KRT74: variants seen among roughly 807,000 people sequenced by gnomAD.
The protein encoded by KRT74 is keratin, type II cytoskeletal 74.
Under a neutral mutation model 42.7 loss-of-function variants are expected in KRT74, and 43 were observed. That is an observed-to-expected ratio of 1.01 (90% CI 0.79 to 1.30). The LOEUF is 1.30. KRT74 is among the 50% of genes most tolerant of loss of function. The pLI is 0.00. For missense variants in KRT74, 736 were observed against 689.1 expected (o/e 1.07, Z -0.76); for synonymous variants, 302 against 279.0 (o/e 1.08, Z -0.82).
At position 52,567,152 on chromosome 12, in the gene KRT74, G is replaced by T; in HGVS notation, c.1407C>A (p.Ser469Arg). The T allele has an allele frequency of 6.2e-7, 1 of 1,602,216 alleles. No homozygotes were observed. The highest frequency in any genetic ancestry group is 8.5e-7 in the Non-Finnish European group (1 of 1,171,506). Residue 469 changes from serine (S) to arginine (R), a missense_variant, in exon 9 of 9, where the codon AGC becomes AGA. Coordinates refer to ENST00000305620, the MANE Select transcript of KRT74 (RefSeq NM_175053.4). Reference sequence around the variant, plus strand: ...AGCTGGGGTGGTGGTAGCTGTAGCTGCTACTGCTGATGACAGCTGAGGAGG... The same window carrying T: ...AGCTGGGGTGGTGGTAGCTGTAGCTTCTACTGCTGATGACAGCTGAGGAGG... ...SSVSISVISS[S>R]SYSYHHPSSA...
chr12:52,567,808 C>A, intron 7 of KRT74, 115 bp from the exon 8 acceptor site: 1 of 801,810 alleles, frequency 1.2e-6, no homozygotes, highest in Admixed American at 1.9e-5. Context: ...TAACAACTTA[C>A]GAAACTGACA....
chr12:52,568,386 C>T lies in KRT74; in HGVS notation c.1138G>A (p.Ala380Thr), dbSNP rs907919529. The change falls in exon 7 of 9, where the codon GCC becomes ACC. Residue 380 changes from alanine to threonine, a missense_variant. Ala to Thr is a moderately conservative substitution (Grantham distance 58). Coordinates refer to ENST00000305620, the MANE Select transcript of KRT74 (RefSeq NM_175053.4). Reference sequence around the variant, plus strand: ...TCAGCGATGGCCGTCTCCAGGCTGGCACGCTGAAGGGCAAAGAACAGAGAG... The same window carrying T: ...TCAGCGATGGCCGTCTCCAGGCTGGTACGCTGAAGGGCAAAGAACAGAGAG... Reference protein sequence around the residue: ...CEIGNVKKQRASLETAIADAE... With the variant: ...CEIGNVKKQRTSLETAIADAE... 3 of 1,614,030 alleles carry T rather than the reference C, an allele frequency of 1.9e-6. No homozygotes were observed. Among genetic ancestry groups the T allele is most frequent in the African/African-American group, 1.3e-5 (1 of 74,926 alleles).
At chr12:52,571,324 G>A (rs768537016) in intron 4 of KRT74, 35 bp downstream of exon 4, 1 of 1,267,608 alleles carries the variant, frequency 7.9e-7, no homozygotes, top group Non-Finnish European at 1.2e-6. Context: ...CGGGAAGGAG[G>A]CAGGGTGAGG....
At chr12:52,567,734 C>A (rs200714055) in intron 7 of KRT74, 41 bp from the exon 8 acceptor site, 2 of 1,479,252 alleles carry the variant, frequency 1.4e-6, no homozygotes, top group South Asian at 1.1e-5. Flanking sequence ...AACTCAGTGT[C>A]GAGATTCCAC....
At chr12:52,570,951 T>A in intron 4 of KRT74, 118 bp from the exon 5 acceptor site, 2 of 1,189,576 alleles carry the variant, frequency 1.7e-6, no homozygotes, top group Non-Finnish European at 2.4e-6. Flanking sequence ...GGGGACAAAG[T>A]AGGGGGAAGA....
chr12:52,573,593 T>C lies in KRT74; in HGVS notation c.185A>G (p.Asn62Ser), dbSNP rs1426311417. 2.5e-6 allele frequency: 4 copies of C among 1,614,030 alleles called. No individual in the cohort carries two copies. The South Asian group carries it at 3.3e-5, about 13-fold the overall frequency. Residue 62 changes from asparagine to serine, a missense_variant, in exon 1 of 9, where the codon AAT becomes AGT. Asn to Ser is a conservative substitution (Grantham distance 46). Transcript: ENST00000305620. The part of the protein sequence containing the change: ...SLGGNRRISF[N>S]VAGGGVRAGG... ...AGCCCGAACGCCGCCACCAGCCACA[T>C]TGAAAGAAATACGCCGATTCCCTCC...
intron 6 of KRT74, chr12:52,569,478 C>T (rs1234158568): frequency 1.6e-6 from 1 of 616,078 alleles, no homozygotes; most frequent in East Asian, 2.8e-5. Flanking sequence ...GGTCTGCCCT[C>T]AGAGGGGGCA....
At chr12:52,573,182 G>T in intron 1 of KRT74, 125 bp downstream of exon 1, 1 of 911,706 alleles carries the variant, frequency 1.1e-6, no homozygotes, top group Non-Finnish European at 1.8e-6. Flanking sequence ...CTTCCCTAAT[G>T]GTGAGGAAGC....
chr12:52,570,699 C>T lies in KRT74; in HGVS notation c.978G>A (p.Lys326=). 1 of 1,614,258 alleles carries T rather than the reference C, an allele frequency of 6.2e-7. No individual in the cohort carries two copies. Among genetic ancestry groups the T allele is most frequent in the African/African-American group, 1.3e-5 (1 of 75,074 alleles). The part of the protein sequence containing the change: ...MHYEEIALKS[K]AEAEALYQTK... ...TCTGGTACAGGGCCTCGGCCTCGGC[C>T]TTGCTCTTCAGGGCGATCTCCTCAT... is the stretch of plus-strand genomic sequence containing the variant. The change falls in exon 5 of 9, where the codon AAG becomes AAA. Residue 326 remains lysine, a synonymous_variant. Coordinates refer to ENST00000305620, the MANE Select transcript of KRT74 (RefSeq NM_175053.4).
rs73320303 is a variant in KRT74, at chr12:52,569,714, C to T, written c.1134+145G>A. 1.9e-3 allele frequency: 1,962 copies of T among 1,019,106 alleles called. 16 individuals are homozygous for T. The African/African-American group carries it at 0.027, about 14-fold the overall frequency. The allele number at this position is 1,019,106 out of a possible 1,614,324, so 63.1% of individuals were successfully genotyped here. ...CAGCTCTGATGGTAGGGTACCGAGG[C>T]AGGGTGGGAAAGGGAGACTGTGGGT... On this transcript the variant is annotated intron_variant, in intron 6 of 8. Transcript: ENST00000305620.
Position 52,567,153 on chromosome 12 carries a change from C to T in KRT74, c.1406G>A (p.Ser469Asn). 1 of 1,601,832 alleles carries T rather than the reference C, an allele frequency of 6.2e-7. No homozygotes were observed. The highest frequency in any genetic ancestry group is 1.1e-5 in the South Asian group (1 of 90,244). Reference protein sequence around the residue: ...SSVSISVISSSSYSYHHPSSA... With the variant: ...SSVSISVISSNSYSYHHPSSA... Reference sequence around the variant, plus strand: ...GCTGGGGTGGTGGTAGCTGTAGCTGCTACTGCTGATGACAGCTGAGGAGGA... The same window carrying T: ...GCTGGGGTGGTGGTAGCTGTAGCTGTTACTGCTGATGACAGCTGAGGAGGA... The change falls in exon 9 of 9, where the codon AGC (serine) becomes AAC (asparagine). Residue 469 changes from serine to asparagine, a missense_variant. Coordinates refer to ENST00000305620, the MANE Select transcript of KRT74 (RefSeq NM_175053.4).
intron 8 of KRT74, 31 bp from the exon 9 acceptor site, chr12:52,567,199 G>A (rs1225395139): frequency 4.6e-6 from 7 of 1,524,552 alleles, no homozygotes; most frequent in Non-Finnish European, 5.3e-6. Flanking sequence ...GCAGGGGAGA[G>A]GAGCAGTGTC....
chr12:52,573,754 C>A lies in KRT74; in HGVS notation c.24G>T (p.Lys8Asn). Reference protein sequence around the residue: MSRQLNIKSSGDKGNFSV... With the variant: MSRQLNINSSGDKGNFSV... ...TGAAGTTGCCCTTGTCACCACTGGA[C>A]TTGATGTTCAGTTGCCGACTCATGG... The change falls in exon 1 of 9, where the codon AAG becomes AAT. Residue 8 changes from lysine to asparagine, a missense_variant. Lys to Asn is a moderately conservative substitution (Grantham distance 94, BLOSUM62 0). Coordinates refer to ENST00000305620, the MANE Select transcript of KRT74 (RefSeq NM_175053.4). The A allele has an allele frequency of 1.2e-6, 2 of 1,613,896 alleles. No individual in the cohort carries two copies. The highest frequency in any genetic ancestry group is 1.7e-6 in the Non-Finnish European group (2 of 1,180,010).
chr12:52,573,698 G>A lies in KRT74; in HGVS notation c.80C>T (p.Ala27Val). ...ACAGTAAGAAGCCAGGCTACCCACA[G>A]CCTTCCTTGGCACCACTGCCGAATG... ...SVHSAVVPRK[A>V]VGSLASYCAA... The change falls in exon 1 of 9, where the codon GCT becomes GTT. Residue 27 changes from alanine (A) to valine (V), a missense_variant. Coordinates refer to ENST00000305620, the MANE Select transcript of KRT74 (RefSeq NM_175053.4). 1.2e-6 allele frequency: 2 copies of A among 1,614,182 alleles called. No individual in the cohort carries two copies. Among genetic ancestry groups the A allele is most frequent in the East Asian group, 4.5e-5 (2 of 44,892 alleles).
rs1172421524 is a variant in KRT74, at chr12:52,569,891, T to TC, written c.1101dup (p.Ile368AspfsTer4). ...TTCACATTCCCGATCTCACACCGGA[T>TC]CCTCTGGATGAGCCGGTTCAGCTCC... On this transcript the variant is annotated frameshift_variant, in exon 6 of 9. Coordinates refer to ENST00000305620, the MANE Select transcript of KRT74 (RefSeq NM_175053.4). LOFTEE classifies it high-confidence loss of function. The TC allele has an allele frequency of 1.2e-6, 2 of 1,614,162 alleles. No individual in the cohort carries two copies. The highest frequency in any genetic ancestry group is 1.7e-6 in the Non-Finnish European group (2 of 1,180,012).
chr12:52,569,216 C>A (rs141394308), intron 6 of KRT74, among the ~76,000 whole-genome samples: 1 of 152,092 alleles, frequency 6.6e-6, no homozygotes, highest in African/African-American at 2.4e-5. Context: ...TCCCCACTGA[C>A]GCAGTGTTTA....
chr12:52,572,378 A>T, intron 2 of KRT74, 75 bp downstream of exon 2: 1 of 1,513,504 alleles, frequency 6.6e-7, no homozygotes, highest in Admixed American at 1.7e-5. Context: ...CTCCTAAAAA[A>T]TAATGGCACA....
intron 5 of KRT74, 50 bp downstream of exon 5, chr12:52,570,619 C>T (rs770391545): frequency 2.9e-5 from 47 of 1,604,948 alleles, no homozygotes; most frequent in Non-Finnish European, 3.7e-5. Flanking sequence ...CAGGTGACCC[C>T]TCCCAGGAAG....
intron 6 of KRT74, 56 bp from the exon 7 acceptor site, chr12:52,568,445 C>A (rs371393301): frequency 6.4e-7 from 1 of 1,569,894 alleles, no homozygotes; most frequent in Non-Finnish European, 8.7e-7. Context: ...TTAGCTCATA[C>A]CAGTTAAGTA....
Sources: gnomAD v4.1 joint callset for allele counts (sites outside exome capture counted in the v4.1 genomes callset) on GRCh38, gnomAD v4.1.1 for gene constraint, MANE v1.5 for transcripts, NCBI Gene and HGNC (gene_info 2026-07-23, HGNC 2026-07-21) for gene names.